The following LRRC4C variants were observed in gnomAD, a reference collection of about 807,000 sequenced individuals.
The protein encoded by LRRC4C is leucine rich repeat containing 4C, also known as leucine-rich repeat-containing protein 4C.
In LRRC4C, 5 loss-of-function variants were observed where a neutral mutation model predicts 33.6. The observed-to-expected ratio is 0.15, with a 90% CI of 0.08 to 0.31. The LOEUF (loss-of-function observed/expected upper bound fraction) is 0.31, where lower values mean the gene tolerates loss of function less well. LRRC4C is among the 10% of genes least tolerant of loss of function. LRRC4C has a pLI of 1.00. For missense variants in LRRC4C, 560 were observed against 796.7 expected, an observed-to-expected ratio of 0.70 and a Z score of 3.58; for synonymous variants, 329 against 302.0, an observed-to-expected ratio of 1.09 and a Z score of -0.93.
intron 2 of LRRC4C, among the ~76,000 whole-genome samples, chr11:40,699,652 A>T (rs1945766568): frequency 6.6e-6 from 1 of 152,198 alleles, no homozygotes; most frequent in Non-Finnish European, 1.5e-5. Context: ...AGTAACAGCA[A>T]CTATGTGCTA....
chr11:41,326,130 C>T (rs148993037), intron 1 of LRRC4C, among the ~76,000 whole-genome samples: 6 of 151,070 alleles, frequency 4.0e-5, no homozygotes, highest in African/African-American at 7.4e-5. Context: ...TCTTGGTGGG[C>T]GCCATCTAAT....
In LRRC4C at chr11:40,207,235, C is replaced by T. The variant is rs533900949; in HGVS notation, c.-96+34284G>A. ...GAGGTAGAATAAGAAGTTTGGGTGA[C>T]GGAATATAAACACAGTTACAGCTGC... is the stretch of plus-strand genomic sequence containing the variant. On this transcript the variant is annotated intron_variant, in intron 5 of 6. Transcript: ENST00000528697. Among the ~76,000 whole-genome samples the T allele has an allele frequency of 1.5e-4, 23 of 152,094 alleles. No individual in the cohort carries two copies. In the East Asian group the frequency reaches 2.3e-3, roughly 15 times the overall value.
intron 2 of LRRC4C, among the ~76,000 whole-genome samples, chr11:40,667,079 C>CA (rs909620971): frequency 4.6e-5 from 7 of 151,934 alleles, no homozygotes; most frequent in African/African-American, 1.5e-4. Context: ...TTGCACTCAC[C>CA]AAAAAAATCT....
intron 3 of LRRC4C, among the ~76,000 whole-genome samples, chr11:40,494,663 T>C (rs963067426): frequency 1.3e-5 from 2 of 152,140 alleles, no homozygotes; most frequent in African/African-American, 4.8e-5. Context: ...GTAAATCATA[T>C]GCCCTGGTAA....
At chr11:40,845,072 C>T (rs951838846) in intron 2 of LRRC4C, among the ~76,000 whole-genome samples, 1 of 151,982 alleles carries the variant, frequency 6.6e-6, no homozygotes, top group African/African-American at 2.4e-5. Flanking sequence ...TTTAAAACGT[C>T]ATGTTGTACA....
At chr11:41,432,239 T>C (rs949290980) in intron 1 of LRRC4C, among the ~76,000 whole-genome samples, 1 of 152,190 alleles carries the variant, frequency 6.6e-6, no homozygotes, top group East Asian at 1.9e-4. Context: ...CTCACCAATT[T>C]ATCATATTTG....
chr11:41,219,283 G>A (rs538412439), intron 1 of LRRC4C, among the ~76,000 whole-genome samples: 2 of 152,278 alleles, frequency 1.3e-5, no homozygotes, highest in African/African-American at 4.8e-5. Flanking sequence ...GTTGCTATGT[G>A]CAGTTCAGTG....
chr11:40,164,010 T>C (rs1270181708), intron 5 of LRRC4C, among the ~76,000 whole-genome samples: 2 of 152,164 alleles, frequency 1.3e-5, no homozygotes, highest in Non-Finnish European at 2.9e-5. Flanking sequence ...TGTTAGCACA[T>C]TGTAGCAAGA....
chr11:40,305,705 G>T (rs887297504), intron 4 of LRRC4C, among the ~76,000 whole-genome samples: 1 of 152,016 alleles, frequency 6.6e-6, no homozygotes, highest in African/African-American at 2.4e-5. Context: ...AACACCAGAA[G>T]TTTCAGTATT....
chr11:41,448,122 G>GTTTTTTTTTTTTTTGTTTTTTT (rs1955888998), intron 1 of LRRC4C, among the ~76,000 whole-genome samples: 1 of 46,948 alleles, frequency 2.1e-5, no homozygotes, highest in Non-Finnish European at 4.4e-5. Context: ...GCACACGTCT[G>GTTTTTTTTTTTTTTGTTTTTTT]TTTTTTTTTT....
intron 1 of LRRC4C, among the ~76,000 whole-genome samples, chr11:41,197,174 G>C (rs1946213239): frequency 6.6e-6 from 1 of 152,010 alleles, no homozygotes; most frequent in Non-Finnish European, 1.5e-5. Context: ...TGTTGTTCCT[G>C]TTTGGCAGTG....
At chr11:41,448,353 T>G (rs1483015414) in intron 1 of LRRC4C, among the ~76,000 whole-genome samples, 5 of 144,030 alleles carry the variant, frequency 3.5e-5, no homozygotes, top group Non-Finnish European at 7.5e-5. Context: ...CTGCCCAGGC[T>G]GGAGTGTAAT....
chr11:40,340,998 C>T (rs1306756812), intron 3 of LRRC4C, among the ~76,000 whole-genome samples: 1 of 152,100 alleles, frequency 6.6e-6, no homozygotes, highest in Non-Finnish European at 1.5e-5. Context: ...GTGAGTGCAG[C>T]ACAAAATAAA....
chr11:41,418,150 A>G (rs1954754003), intron 1 of LRRC4C, among the ~76,000 whole-genome samples: 1 of 151,892 alleles, frequency 6.6e-6, no homozygotes, highest in Non-Finnish European at 1.5e-5. Flanking sequence ...CTGCCACTTT[A>G]AGCAATAGAC....
intron 1 of LRRC4C, among the ~76,000 whole-genome samples, chr11:41,127,271 A>G (rs1193961627): frequency 6.8e-6 from 1 of 147,936 alleles, no homozygotes; most frequent in Admixed American, 6.8e-5. Flanking sequence ...TTTTTTTTTA[A>G]TTTTAGTATT....
chr11:40,708,917 C>T (rs1224009980), intron 2 of LRRC4C, among the ~76,000 whole-genome samples: 1 of 152,110 alleles, frequency 6.6e-6, no homozygotes, highest in Non-Finnish European at 1.5e-5. Flanking sequence ...CATATATATT[C>T]AGGATAGTTA....
chr11:41,444,962 C>A (rs1020111676), intron 1 of LRRC4C, among the ~76,000 whole-genome samples: 1 of 152,026 alleles, frequency 6.6e-6, no homozygotes, highest in Non-Finnish European at 1.5e-5. Context: ...CATCACCACG[C>A]CCGGCTAATT....
At chr11:40,419,476 C>A (rs1950445752) in intron 3 of LRRC4C, among the ~76,000 whole-genome samples, 1 of 151,830 alleles carries the variant, frequency 6.6e-6, no homozygotes, top group Non-Finnish European at 1.5e-5. Context: ...ACTGTGAATA[C>A]CAGAAGATAG....
chr11:40,181,335 G>GT (rs1010761443), intron 5 of LRRC4C, among the ~76,000 whole-genome samples: 1 of 152,072 alleles, frequency 6.6e-6, no homozygotes, highest in East Asian at 1.9e-4. Context: ...AGAGACTGAG[G>GT]TTTTTTTCCT....
Sources: gnomAD v4.1 joint callset for allele counts (sites outside exome capture counted in the v4.1 genomes callset) on GRCh38, gnomAD v4.1.1 for gene constraint, MANE v1.5 for transcripts, NCBI Gene and HGNC (gene_info 2026-07-23, HGNC 2026-07-21) for gene names.